GRID2: variants seen among roughly 807,000 people sequenced by gnomAD.
GRID2 encodes glutamate ionotropic receptor delta type subunit 2, also known as glutamate receptor ionotropic, delta-2.
Under a neutral mutation model 114.8 loss-of-function variants are expected in GRID2, and 33 were observed. The observed-to-expected ratio is 0.29, with a 90% CI of 0.22 to 0.38. The LOEUF is 0.38. Among genes scored for constraint, GRID2 ranks in the 10% least tolerant of loss-of-function variants. The pLI is 1.00. For synonymous variants in GRID2, 505 were observed against 449.9 expected (o/e 1.12, Z -1.55); for missense variants, 1,184 against 1,257.7 (o/e 0.94, Z 0.89).
At chr4:92,839,335 G>A (rs192453244) in intron 2 of GRID2, among the ~76,000 whole-genome samples, 1 of 150,436 alleles carries the variant, frequency 6.6e-6, no homozygotes, top group East Asian at 2.0e-4. Flanking sequence ...AGTTACTTAT[G>A]TATACATGTG....
chr4:92,724,095 A>T (rs754170462), intron 2 of GRID2, among the ~76,000 whole-genome samples: 9 of 152,146 alleles, frequency 5.9e-5, no homozygotes, highest in Non-Finnish European at 1.2e-4. Context: ...TGACACCCTA[A>T]TGGTACATGG....
chr4:92,411,655 G>GTGTGTGTGTGTATATATATATATATATA, intron 1 of GRID2, among the ~76,000 whole-genome samples: 7 of 84,690 alleles, frequency 8.3e-5, no homozygotes, highest in African/African-American at 3.5e-4. Context: ...GTGTGTGTGT[G>GTGTGTGTGTGTATATATATATATATATA]TATATATATA....
intron 2 of GRID2, among the ~76,000 whole-genome samples, chr4:92,631,036 A>G (rs1040366853): frequency 1.3e-4 from 20 of 151,942 alleles, no homozygotes; most frequent in African/African-American, 4.8e-4. Flanking sequence ...GAAAAAAACA[A>G]GAGATCTATC....
chr4:93,247,764 A>G lies in GRID2; in HGVS notation c.1245+9274A>G, dbSNP rs1010363335. On this transcript the variant is annotated intron_variant, in intron 8 of 15. Transcript: ENST00000282020. ...TATTTATATTTAAATATATATTTAT[A>G]TATACATATATTCCCCTGGAGAACC... 1.3e-4 allele frequency among the ~76,000 whole-genome samples: 20 copies of G among 151,680 alleles called. No individual in the cohort carries two copies. The East Asian group carries it at 3.9e-3, about 29-fold the overall frequency.
chr4:92,941,845 G>A (rs931855125), intron 2 of GRID2, among the ~76,000 whole-genome samples: 1 of 152,132 alleles, frequency 6.6e-6, no homozygotes, highest in Non-Finnish European at 1.5e-5. Flanking sequence ...TCATTCAGGA[G>A]CAGGTTGCTC....
chr4:93,319,070 G>A (rs949139131), intron 8 of GRID2, among the ~76,000 whole-genome samples: 9 of 152,056 alleles, frequency 5.9e-5, no homozygotes, highest in Non-Finnish European at 1.3e-4. Context: ...GTGGAGTTGG[G>A]TAGGGATGCT....
At chr4:93,542,099 A>C (rs989828545) in intron 13 of GRID2, among the ~76,000 whole-genome samples, 1 of 152,126 alleles carries the variant, frequency 6.6e-6, no homozygotes, top group Admixed American at 6.6e-5. Context: ...CACTACCTAA[A>C]GTTAACTTGA....
chr4:93,195,297 G>A (rs1741378460), intron 4 of GRID2, among the ~76,000 whole-genome samples: 1 of 152,132 alleles, frequency 6.6e-6, no homozygotes, highest in Admixed American at 6.6e-5. Flanking sequence ...GAGAGGGTAA[G>A]GAGAAAAGCC....
exon 2 of GRID2, chr4:93,809,640 G>A (rs1319551814): frequency 6.6e-6 from 1 of 152,058 alleles, no homozygotes; most frequent in Non-Finnish European, 1.5e-5. Flanking sequence ...AGATCACAGG[G>A]AAAAATCGAT....
At chr4:93,656,774 G>A (rs951764024) in intron 14 of GRID2, among the ~76,000 whole-genome samples, 1 of 120,332 alleles carries the variant, frequency 8.3e-6, no homozygotes, top group African/African-American at 2.9e-5. Context: ...AGCTTGCCGT[G>A]AGCCGAGATT....
At chr4:92,551,761 G>A in intron 1 of GRID2, among the ~76,000 whole-genome samples, 1 of 152,198 alleles carries the variant, frequency 6.6e-6, no homozygotes, top group East Asian at 1.9e-4. Context: ...ATGTTGCATT[G>A]GTTGGAGAGG....
chr4:92,503,169 A>G (rs1723777098), intron 1 of GRID2, among the ~76,000 whole-genome samples: 1 of 152,160 alleles, frequency 6.6e-6, no homozygotes, highest in South Asian at 2.1e-4. Flanking sequence ...AGTATGTAAC[A>G]ACATGACAAT....
chr4:92,782,876 T>A (rs560736136), intron 2 of GRID2, among the ~76,000 whole-genome samples: 1 of 152,034 alleles, frequency 6.6e-6, no homozygotes, highest in South Asian at 2.1e-4. Context: ...TGACAGAGGG[T>A]GAGGCTACTT....
intron 10 of GRID2, among the ~76,000 whole-genome samples, chr4:93,453,679 A>G (rs1034252690): frequency 6.6e-6 from 1 of 152,078 alleles, no homozygotes; most frequent in Non-Finnish European, 1.5e-5. Context: ...AGTAAAACAT[A>G]TAATTATTTA....
At chr4:92,351,125 T>A (rs1728049148) in intron 1 of GRID2, among the ~76,000 whole-genome samples, 2 of 151,950 alleles carry the variant, frequency 1.3e-5, no homozygotes, top group African/African-American at 4.8e-5. Flanking sequence ...TGATTAATGT[T>A]GCTATTAATA....
At chr4:93,242,511 G>T (rs999831888) in intron 8 of GRID2, among the ~76,000 whole-genome samples, 2 of 152,044 alleles carry the variant, frequency 1.3e-5, no homozygotes, top group Non-Finnish European at 2.9e-5. Flanking sequence ...AGGCAGTATG[G>T]TTAAGAACAT....
chr4:92,716,038 C>T (rs533657848), intron 2 of GRID2, among the ~76,000 whole-genome samples: 5 of 152,256 alleles, frequency 3.3e-5, no homozygotes, highest in South Asian at 2.1e-4. Flanking sequence ...TTATAAAAAT[C>T]TTCATTTATT....
chr4:93,659,896 G>A (rs576510575), intron 14 of GRID2, among the ~76,000 whole-genome samples: 40 of 151,208 alleles, frequency 2.6e-4, no homozygotes, highest in African/African-American at 9.9e-4. Context: ...AGGTTTTAAT[G>A]CCCTCTTTTC....
chr4:92,398,070 C>T (rs940296006), intron 1 of GRID2, among the ~76,000 whole-genome samples: 1 of 152,060 alleles, frequency 6.6e-6, no homozygotes, highest in African/African-American at 2.4e-5. Context: ...ATAATATATG[C>T]AGAGACATTC....
Sources: allele counts gnomAD v4.1 joint callset (sites outside exome capture counted in the v4.1 genomes callset), GRCh38; gene constraint gnomAD v4.1.1; transcripts MANE v1.5; gene names NCBI Gene and HGNC (gene_info 2026-07-23, HGNC 2026-07-21).